The following TMPRSS13 variants were observed in gnomAD, a reference collection of about 807,000 sequenced individuals.
TMPRSS13 encodes transmembrane protease serine 13.
Under a neutral mutation model 68.4 loss-of-function variants are expected in TMPRSS13, and 50 were observed. The ratio of observed to expected loss-of-function variants is 0.73; its 90% CI spans 0.58 to 0.93. The LOEUF (loss-of-function observed/expected upper bound fraction) is 0.93, where lower values mean the gene tolerates loss of function less well. Ranked by LOEUF, TMPRSS13 falls within the 40% of genes least tolerant of loss-of-function variation. The pLI is 0.00. For synonymous variants in TMPRSS13, 267 were observed against 285.8 expected (o/e 0.93, Z 0.66); for missense variants, 615 against 729.2 (o/e 0.84, Z 1.80).
In TMPRSS13 at chr11:117,917,162, C is replaced by A; in HGVS notation, c.556+8G>T. 1 of 1,609,080 alleles carries A rather than the reference C, an allele frequency of 6.2e-7. No homozygotes were observed. Among genetic ancestry groups the A allele is most frequent in the Non-Finnish European group, 8.5e-7 (1 of 1,178,640 alleles). ...AGAACCCACCCCTGCACCCTCCATTCAACTCACAGAGGATGATGAGCGAAA... is the reference window on the plus strand; with the variant it reads ...AGAACCCACCCCTGCACCCTCCATTAAACTCACAGAGGATGATGAGCGAAA... On this transcript the variant is annotated splice_region_variant and intron_variant, in intron 3 of 12. Transcript: ENST00000524993.
At chr11:117,909,370 A>G (rs971425695) in intron 8 of TMPRSS13, among the ~76,000 whole-genome samples, 6 of 152,144 alleles carry the variant, frequency 3.9e-5, no homozygotes, top group Non-Finnish European at 8.8e-5. Context: ...TGGGCCCCCA[A>G]AGACAATAGA....
At position 117,914,808 on chromosome 11, in the gene TMPRSS13, A is replaced by C. The variant is rs1425021328; in HGVS notation, c.557-294T>G. Among the ~76,000 whole-genome samples the C allele has an allele frequency of 6.6e-6, 1 of 150,946 alleles. No individual in the cohort carries two copies. Among genetic ancestry groups the C allele is most frequent in the African/African-American group, 2.4e-5 (1 of 41,050 alleles). On this transcript the variant is annotated intron_variant, in intron 3 of 12. Transcript: ENST00000524993. The surrounding 1 kb of genome is among the most constrained non-coding windows in gnomAD (Gnocchi z 4.2). ...TGTGGAGATGGGGACCACCTTGGGA[A>C]CTCCCCTCCCTACATGCTGGCCAAC...
At chr11:117,905,501 C>T in intron 10 of TMPRSS13, 137 bp downstream of exon 10, 2 of 621,742 alleles carry the variant, frequency 3.2e-6, no homozygotes, top group Middle Eastern at 2.8e-4. Context: ...CACACCCAGG[C>T]CCATGAATCC....
Position 117,915,668 on chromosome 11 carries a change from C to T in TMPRSS13, c.557-1154G>A, listed in dbSNP as rs12281936. ...TAGCTGCTTGGTGACCTGCACAAGT[C>T]AAGCCACCTCCTTAGCCCTGGAGGT... On this transcript the variant is annotated intron_variant, in intron 3 of 12. Transcript: ENST00000524993. This position sits in a 1 kb window ranked among gnomAD's most constrained non-coding sequence, Gnocchi z 4.9. Among the ~76,000 whole-genome samples the T allele has an allele frequency of 6.6e-6, 1 of 152,230 alleles. No homozygotes were observed. Among genetic ancestry groups the T allele is most frequent in the African/African-American group, 2.4e-5 (1 of 41,448 alleles).
rs2057557432 is a variant in TMPRSS13 at position 117,914,634 on chromosome 11, C to T, written c.557-120G>A. 6.6e-7 allele frequency: 1 copy of T among 1,505,360 alleles called. No homozygotes were observed. The highest frequency in any genetic ancestry group is 8.9e-7 in the Non-Finnish European group (1 of 1,120,386). 93.3% of individuals were successfully genotyped at this position (1,505,360 alleles called of 1,614,324 possible). ...CTGCAATCCCTCTTGAACTCTGGGG[C>T]TCTCATCCCCCATCTGTATGGAGAG... On this transcript the variant is annotated intron_variant, in intron 3 of 12. Coordinates refer to ENST00000524993, the MANE Select transcript of TMPRSS13 (RefSeq NM_001077263.3). This position sits in a 1 kb window ranked among gnomAD's most constrained non-coding sequence, Gnocchi z 4.2.
Position 117,903,989 on chromosome 11 carries a change from C to G in TMPRSS13, c.1494G>C (p.Gly498=), listed in dbSNP as rs770605750. 3 of 1,613,094 alleles carry G rather than the reference C, an allele frequency of 1.9e-6. No individual in the cohort carries two copies. The highest frequency in any genetic ancestry group is 3.3e-5 in the Admixed American group (2 of 59,914). The change falls in exon 11 of 13, where the codon GGG becomes GGC. Residue 498 remains glycine (G), a synonymous_variant. Coordinates refer to ENST00000524993, the MANE Select transcript of TMPRSS13 (RefSeq NM_001077263.3). ...SYLTPRMMCA[G]DLRGGRDSCQ... Reference sequence around the variant, plus strand: ...AGGAGTCTCTGCCCCCACGAAGGTCCCCAGCACACATCATCCTTGGGGTAA... The same window carrying G: ...AGGAGTCTCTGCCCCCACGAAGGTCGCCAGCACACATCATCCTTGGGGTAA...
Position 117,910,760 on chromosome 11 carries a change from G to A in TMPRSS13, c.903-10C>T. 6.2e-7 allele frequency: 1 copy of A among 1,605,218 alleles called. No individual in the cohort carries two copies. Among genetic ancestry groups the A allele is most frequent in the East Asian group, 2.2e-5 (1 of 44,572 alleles). The stretch of plus-strand genomic sequence containing the variant: ...GGAAGGGCATTCAGACCTGCAGGGG[G>A]AGACACAGAAAGTGGGAAAAGGGCA... On this transcript the variant is annotated splice_polypyrimidine_tract_variant and intron_variant, in intron 6 of 12. Coordinates refer to ENST00000524993, the MANE Select transcript of TMPRSS13 (RefSeq NM_001077263.3).
At chr11:117,902,297 G>A (rs1170468057) in intron 12 of TMPRSS13, 32 bp from the exon 13 acceptor site, 2 of 1,613,304 alleles carry the variant, frequency 1.2e-6, no homozygotes, top group South Asian at 1.1e-5. Context: ...GAGGGTGAGG[G>A]TGGGCCAGGT....
intron 2 of TMPRSS13, among the ~76,000 whole-genome samples, chr11:117,917,679 A>G (rs2057592332): frequency 6.6e-6 from 1 of 152,282 alleles, no homozygotes; most frequent in East Asian, 1.9e-4. Flanking sequence ...TAGGGATTCC[A>G]GTGCAGTGGG....
intron 12 of TMPRSS13, 179 bp downstream of exon 12, chr11:117,903,476 G>A: frequency 1.9e-6 from 3 of 1,539,748 alleles, no homozygotes; most frequent in East Asian, 2.4e-5. Flanking sequence ...GAAAAGCAGG[G>A]AAAGAAACAC....
At chr11:117,920,551 GC>G (rs2134916912) in intron 1 of TMPRSS13, among the ~76,000 whole-genome samples, 1 of 152,160 alleles carries the variant, frequency 6.6e-6, no homozygotes, top group South Asian at 2.1e-4. Context: ...GGAGTGCAGT[GC>G]CGCGATCTTG....
intron 1 of TMPRSS13, among the ~76,000 whole-genome samples, chr11:117,919,275 T>G (rs940463282): frequency 2.0e-5 from 3 of 152,214 alleles, no homozygotes; most frequent in Admixed American, 6.5e-5. Context: ...TCCGCATCCT[T>G]TTCTTTCATG....
At chr11:117,920,505 A>G (rs1292352002) in intron 1 of TMPRSS13, among the ~76,000 whole-genome samples, 4 of 151,312 alleles carry the variant, frequency 2.6e-5, no homozygotes, top group African/African-American at 9.7e-5. Context: ...TGCCTGGCTA[A>G]TTTTTGTATT....
At chr11:117,925,287 C>T (rs1182277079) in intron 1 of TMPRSS13, among the ~76,000 whole-genome samples, 1 of 152,172 alleles carries the variant, frequency 6.6e-6, no homozygotes, top group African/African-American at 2.4e-5. Context: ...AGGGACTGGC[C>T]AGAGTAAGTG....
intron 8 of TMPRSS13, among the ~76,000 whole-genome samples, chr11:117,909,376 A>C (rs4439549): frequency 0.95 from 144,232 of 152,272 alleles, 68,374 homozygotes; most frequent in Middle Eastern, 0.99. Context: ...CCCAAAGACA[A>C]TAGACCAGCT....
At chr11:117,913,664 C>T (rs952664161) in intron 5 of TMPRSS13, 113 bp downstream of exon 5, 16 of 1,389,818 alleles carry the variant, frequency 1.2e-5, no homozygotes, top group African/African-American at 1.4e-5. Context: ...TGAGATCAGC[C>T]CCGGTCCCCA....
rs1239563698 is a variant in TMPRSS13 at position 117,918,909 on chromosome 11, C to T, written c.22-71G>A. The T allele has an allele frequency of 2.5e-6, 4 of 1,584,296 alleles. No individual in the cohort carries two copies. The African/African-American group carries it at 5.4e-5, about 21-fold the overall frequency. Reference sequence around the variant, plus strand: ...CCCACCCCAGCTGTCAGCTGTGCTGCACTAGGAGATGAATGCTCTGGGGCA... The same window carrying T: ...CCCACCCCAGCTGTCAGCTGTGCTGTACTAGGAGATGAATGCTCTGGGGCA... On this transcript the variant is annotated intron_variant, in intron 1 of 12. Coordinates refer to ENST00000524993, the MANE Select transcript of TMPRSS13 (RefSeq NM_001077263.3).
intron 6 of TMPRSS13, among the ~76,000 whole-genome samples, 197 bp downstream of exon 6, chr11:117,911,571 C>G (rs2057523857): frequency 6.6e-6 from 1 of 152,170 alleles, no homozygotes; most frequent in Non-Finnish European, 1.5e-5. Context: ...CAGCACCGAG[C>G]CTCAGATAAG....
rs1425459040 is a variant in TMPRSS13, at chr11:117,912,518, C to T, written c.810-658G>A. Among the ~76,000 whole-genome samples the T allele has an allele frequency of 3.3e-5, 5 of 152,192 alleles. No homozygotes were observed. In the South Asian group the frequency reaches 6.2e-4, roughly 19 times the overall value. On this transcript the variant is annotated intron_variant, in intron 5 of 12. Transcript: ENST00000524993. Reference sequence around the variant, plus strand: ...CCAAGATGCATTTTCACAAGCACGGCGGGTGATTCTAATGTGTTCTACTCT... The same window carrying T: ...CCAAGATGCATTTTCACAAGCACGGTGGGTGATTCTAATGTGTTCTACTCT...
Sources: gnomAD v4.1 joint callset for allele counts (sites outside exome capture counted in the v4.1 genomes callset) on GRCh38, gnomAD v4.1.1 for gene constraint, Gnocchi (gnomAD v3.1) non-coding constraint, MANE v1.5 for transcripts, NCBI Gene and HGNC (gene_info 2026-07-23, HGNC 2026-07-21) for gene names.